The following CACNA1E variants were observed in gnomAD, a reference collection of about 807,000 sequenced individuals.
CACNA1E encodes calcium voltage-gated channel subunit alpha1 E.
A neutral mutation model predicts 259.2 loss-of-function variants in CACNA1E; 40 were observed. That is an observed-to-expected ratio of 0.15 (90% CI 0.12 to 0.20). The LOEUF (loss-of-function observed/expected upper bound fraction) is 0.20. CACNA1E is among the 10% of genes least tolerant of loss of function. The probability of loss-of-function intolerance (pLI) is 1.00; values close to 1 mark genes in which losing one functional copy is unlikely to be tolerated. For missense variants in CACNA1E, 1,874 were observed against 3,040.1 expected, an observed-to-expected ratio of 0.62 and a Z score of 9.02; for synonymous variants, 1,104 against 1,138.5, an observed-to-expected ratio of 0.97 and a Z score of 0.61.
At chr1:181,720,759 A>G (rs764997590) in intron 14 of CACNA1E, 24 bp from the exon 15 acceptor site, 4 of 1,394,734 alleles carry the variant, frequency 2.9e-6, no homozygotes, top group Non-Finnish European at 4.0e-6. Flanking sequence ...TCATTTCATT[A>G]TTTTCTCTAA....
At chr1:181,468,081 G>A (rs1379310859) in intron 2 of CACNA1E, among the ~76,000 whole-genome samples, 1 of 152,202 alleles carries the variant, frequency 6.6e-6, no homozygotes, top group Non-Finnish European at 1.5e-5. Context: ...AGAGGTTGAT[G>A]TGTGTGGCTA....
At chr1:181,723,643 GTTAC>G (rs1654617214) in intron 16 of CACNA1E, among the ~76,000 whole-genome samples, 1 of 152,152 alleles carries the variant, frequency 6.6e-6, no homozygotes, top group Non-Finnish European at 1.5e-5. Context: ...CATGCCTCAG[GTTAC>G]TTTACCTGTG....
At chr1:181,659,931 G>C (rs1647459520) in intron 7 of CACNA1E, among the ~76,000 whole-genome samples, 8 of 152,154 alleles carry the variant, frequency 5.3e-5, no homozygotes, top group Admixed American at 5.2e-4. Flanking sequence ...ACCTGAGGTG[G>C]CATACCCAGA....
chr1:181,692,044 A>G (rs4559459), intron 7 of CACNA1E, among the ~76,000 whole-genome samples: 18,172 of 152,188 alleles, frequency 0.12, 1,122 homozygotes, highest in Admixed American at 0.16. Context: ...GAGCCAAATC[A>G]AGAACACAAT....
At chr1:181,608,176 A>G (rs1306530764) in intron 6 of CACNA1E, among the ~76,000 whole-genome samples, 1 of 152,136 alleles carries the variant, frequency 6.6e-6, no homozygotes, top group Non-Finnish European at 1.5e-5. Flanking sequence ...AGGGCCTCAC[A>G]TCTCAGGGAA....
intron 42 of CACNA1E, 44 bp downstream of exon 42, chr1:181,785,462 G>A: frequency 7.5e-7 from 1 of 1,341,786 alleles, no homozygotes; most frequent in South Asian, 1.2e-5. Flanking sequence ...GCCATGAGGA[G>A]TTGCAGGAGG....
chr1:181,514,908 A>G (rs978925947), intron 3 of CACNA1E, among the ~76,000 whole-genome samples: 2 of 152,116 alleles, frequency 1.3e-5, no homozygotes, highest in East Asian at 3.9e-4. Flanking sequence ...ATTTATGTAC[A>G]TTGCTTCATC....
At chr1:181,388,923 G>C (rs1313351827) in intron 1 of CACNA1E, among the ~76,000 whole-genome samples, 1 of 152,018 alleles carries the variant, frequency 6.6e-6, no homozygotes, top group South Asian at 2.1e-4. Context: ...GATCTTATGG[G>C]AGCATCGTTG....
chr1:181,526,522 T>G (rs1385272012), intron 3 of CACNA1E, among the ~76,000 whole-genome samples: 3 of 152,090 alleles, frequency 2.0e-5, no homozygotes, highest in African/African-American at 7.2e-5. Context: ...ACTCACTACT[T>G]GGTTTTAGTT....
In CACNA1E at chr1:181,807,207, C is replaced by A. The variant is rs1662692906; in HGVS notation, c.*8373C>A. On this transcript the variant is annotated 3_prime_UTR_variant, in exon 48 of 48. Transcript: ENST00000367573. ...TTAAAGATTCCATACAAACTCATTC[C>A]CTGAAAGAGAAAAACAGATTTTCTA... The A allele has an allele frequency of 6.6e-6, 1 of 151,572 alleles. No individual in the cohort carries two copies. Among genetic ancestry groups the A allele is most frequent in the South Asian group, 2.1e-4 (1 of 4,792 alleles). 9.4% of individuals were successfully genotyped at this position (151,572 alleles called of 1,614,324 possible).
chr1:181,731,651 A>G (rs974394074), intron 19 of CACNA1E, among the ~76,000 whole-genome samples: 7 of 152,088 alleles, frequency 4.6e-5, no homozygotes, highest in African/African-American at 9.7e-5. Flanking sequence ...CCCTCCGCCC[A>G]GCGAGCCCTC....
intron 1 of CACNA1E, among the ~76,000 whole-genome samples, chr1:181,508,183 G>A (rs1288745123): frequency 6.7e-6 from 1 of 149,974 alleles, no homozygotes; most frequent in Non-Finnish European, 1.5e-5. Flanking sequence ...GTGATGGGGT[G>A]TGTGCCCACT....
intron 6 of CACNA1E, among the ~76,000 whole-genome samples, chr1:181,614,291 T>C (rs776308451): frequency 3.9e-5 from 6 of 152,202 alleles, no homozygotes; most frequent in Non-Finnish European, 7.3e-5. Flanking sequence ...AGGCCTCAAT[T>C]TATGGCAAAT....
rs1572696204 is a variant in CACNA1E at position 181,720,010 on chromosome 1, T to C, written c.1751+147T>C. 4 of 785,742 alleles carry C rather than the reference T, an allele frequency of 5.1e-6. No individual in the cohort carries two copies. The East Asian group carries it at 8.1e-5, about 16-fold the overall frequency. The allele number at this position is 785,742 out of a possible 1,614,324, so 48.7% of individuals were successfully genotyped here. ...CCCTTTTCTATTCTTTAGCTCTTCC[T>C]TTTTCTCCAAAGATTAAACCAAAAA... On this transcript the variant is annotated intron_variant, in intron 13 of 47. Coordinates refer to ENST00000367573, the MANE Select transcript of CACNA1E (RefSeq NM_001205293.3).
intron 6 of CACNA1E, among the ~76,000 whole-genome samples, chr1:181,625,173 G>A (rs946362780): frequency 4.0e-5 from 6 of 150,948 alleles, no homozygotes; most frequent in Middle Eastern, 3.4e-3. Context: ...AGCACAAGCA[G>A]AGTAGATTTA....
In CACNA1E at chr1:181,720,242, G is replaced by A. The variant is rs1484738865; in HGVS notation, c.1788G>A (p.Leu596=). The change falls in exon 14 of 48, where the codon TTG becomes TTA. Residue 596 remains leucine, a synonymous_variant. Coordinates refer to ENST00000367573, the MANE Select transcript of CACNA1E (RefSeq NM_001205293.3). ...CCCTACGGAATTTGGTGGTCTCCTT[G>A]ATGAGCTCAATGAAGTCTATCATCA... The part of the protein sequence containing the change: ...WASLRNLVVS[L]MSSMKSIISL... The A allele has an allele frequency of 1.2e-6, 2 of 1,613,890 alleles. No homozygotes were observed. The highest frequency in any genetic ancestry group is 2.2e-5 in the East Asian group (1 of 44,880).
chr1:181,729,941 G>A (rs78559652), intron 18 of CACNA1E, among the ~76,000 whole-genome samples: 10,950 of 152,084 alleles, frequency 0.072, 498 homozygotes, highest in South Asian at 0.19. Context: ...TGGCTCTCCC[G>A]CCCCCACCTG....
At chr1:181,610,384 T>C (rs1320577320) in intron 6 of CACNA1E, among the ~76,000 whole-genome samples, 1 of 152,224 alleles carries the variant, frequency 6.6e-6, no homozygotes, top group Non-Finnish European at 1.5e-5. Context: ...AGAACGTATA[T>C]GAGGACTTGT....
intron 1 of CACNA1E, among the ~76,000 whole-genome samples, chr1:181,346,115 G>C (rs147278450): frequency 0.037 from 5,615 of 152,302 alleles, 113 homozygotes; most frequent in Middle Eastern, 0.068. Flanking sequence ...GTGCTGGGGG[G>C]CACTGAAGGT....
Sources: allele counts gnomAD v4.1 joint callset (sites outside exome capture counted in the v4.1 genomes callset), GRCh38; gene constraint gnomAD v4.1.1; transcripts MANE v1.5; gene names NCBI Gene and HGNC (gene_info 2026-07-23, HGNC 2026-07-21).